The following AGBL1 variants were observed in gnomAD, a reference collection of about 807,000 sequenced individuals.
The protein encoded by AGBL1 is cytosolic carboxypeptidase 4.
AGBL1 carries 130 observed loss-of-function variants against 118.9 expected under a neutral mutation model. The ratio of observed to expected loss-of-function variants is 1.09; its 90% CI spans 0.95 to 1.26. The LOEUF is 1.26. AGBL1 is among the 50% of genes most tolerant of loss of function. The probability of loss-of-function intolerance (pLI) is 0.00; values close to 1 mark genes in which losing one functional copy is unlikely to be tolerated. For synonymous variants in AGBL1, 555 were observed against 478.9 expected (o/e 1.16, Z -2.08); for missense variants, 1,584 against 1,298.1 (o/e 1.22, Z -3.38).
At chr15:86,973,842 C>A (rs1364168298) in intron 23 of AGBL1, among the ~76,000 whole-genome samples, 5 of 148,098 alleles carry the variant, frequency 3.4e-5, no homozygotes, top group African/African-American at 9.9e-5. Flanking sequence ...TGCGTACCCC[C>A]AGTGTTCTTA....
In AGBL1 at chr15:86,142,354, G is replaced by C. The variant is rs184045704; in HGVS notation, c.115+287G>C. 2.6e-5 allele frequency among the ~76,000 whole-genome samples: 4 copies of C among 152,288 alleles called. No homozygotes were observed. The South Asian group carries it at 6.2e-4, about 24-fold the overall frequency. ...TTCTCGCCCTGCTCGCTTCCATTGT[G>C]ACCTATTTAAGAGAGCTGAGTATCA... On this transcript the variant is annotated intron_variant, in intron 2 of 22. Coordinates refer to ENST00000614907, the MANE Select transcript of AGBL1 (RefSeq NM_001386094.1).
At chr15:86,752,091 C>T (rs1596448351) in intron 22 of AGBL1, among the ~76,000 whole-genome samples, 1 of 152,042 alleles carries the variant, frequency 6.6e-6, no homozygotes, top group African/African-American at 2.4e-5. Flanking sequence ...CACACCCCTC[C>T]CAATGGCCCA....
At chr15:86,622,660 G>A (rs557911898) in intron 21 of AGBL1, among the ~76,000 whole-genome samples, 1 of 152,216 alleles carries the variant, frequency 6.6e-6, no homozygotes, top group East Asian at 1.9e-4. Flanking sequence ...GGGACTGGGG[G>A]ACACACGTTC....
At chr15:86,252,735 C>T (rs566704886) in intron 7 of AGBL1, among the ~76,000 whole-genome samples, 2 of 152,242 alleles carry the variant, frequency 1.3e-5, no homozygotes, top group South Asian at 4.2e-4. Flanking sequence ...CAGGAGGTGG[C>T]CACCAGGCAC....
intron 22 of AGBL1, among the ~76,000 whole-genome samples, chr15:86,844,068 C>A (rs1338722278): frequency 6.6e-6 from 1 of 152,072 alleles, no homozygotes; most frequent in East Asian, 1.9e-4. Flanking sequence ...GTAGCTGGTT[C>A]CTATTTCATG....
At chr15:86,645,910 A>C (rs2085270804) in intron 21 of AGBL1, among the ~76,000 whole-genome samples, 2 of 152,198 alleles carry the variant, frequency 1.3e-5, no homozygotes. Flanking sequence ...AAAAACCAAA[A>C]CAAAAGCCTC....
intron 16 of AGBL1, among the ~76,000 whole-genome samples, chr15:86,281,400 C>T (rs1254711694): frequency 1.3e-5 from 2 of 151,932 alleles, no homozygotes; most frequent in Admixed American, 1.3e-4. Context: ...AAACCAAAAG[C>T]AGAAACCAGA....
chr15:86,982,747 T>C (rs2081244206), intron 23 of AGBL1, among the ~76,000 whole-genome samples: 1 of 152,242 alleles, frequency 6.6e-6, no homozygotes, highest in Non-Finnish European at 1.5e-5. Context: ...GCTTACTTTA[T>C]TGTAAGAATA....
intron 22 of AGBL1, among the ~76,000 whole-genome samples, chr15:86,721,425 AAAGG>A (rs2086718733): frequency 6.6e-6 from 1 of 152,206 alleles, no homozygotes; most frequent in African/African-American, 2.4e-5. Flanking sequence ...TAGATGCAGA[AAAGG>A]CCTTTGACAA....
At chr15:86,698,703 C>G (rs914790781) in intron 22 of AGBL1, among the ~76,000 whole-genome samples, 6 of 151,152 alleles carry the variant, frequency 4.0e-5, no homozygotes, top group Admixed American at 3.3e-4. Context: ...CTATCCTACT[C>G]TGCCTATCTA....
intron 22 of AGBL1, among the ~76,000 whole-genome samples, chr15:86,886,183 C>T (rs1269184673): frequency 2.0e-5 from 3 of 152,076 alleles, no homozygotes; most frequent in Non-Finnish European, 1.5e-5. Context: ...AAATAAAACA[C>T]AAAGATAGAA....
In AGBL1 at chr15:86,993,011, A is replaced by G. The variant is rs114204083; in HGVS notation, c.3323+4923A>G. 8.8e-4 allele frequency among the ~76,000 whole-genome samples: 134 copies of G among 152,280 alleles called. 1 individual carries two copies. The highest frequency in any genetic ancestry group is 3.2e-3 in the African/African-American group (133 of 41,566). ...AATTTGAATTAAGCAGAGGTCCTCA[A>G]TCTAACTGGAATAAACACTTCCCAT... On this transcript the variant is annotated intron_variant, in intron 24 of 24. Coordinates refer to the AGBL1 transcript ENST00000441037.
chr15:86,809,133 A>G (rs2141364533), intron 22 of AGBL1, among the ~76,000 whole-genome samples: 1 of 152,302 alleles, frequency 6.6e-6, no homozygotes, highest in Admixed American at 6.5e-5. Flanking sequence ...GACTTGCCTA[A>G]AGTCACCGGC....
In AGBL1 at chr15:86,251,915, A is replaced by G. The variant is rs900587193; in HGVS notation, c.735+4036A>G. Among the ~76,000 whole-genome samples the G allele has an allele frequency of 8.5e-5, 13 of 152,340 alleles. No individual in the cohort carries two copies. The South Asian group carries it at 1.0e-3, about 12-fold the overall frequency. On this transcript the variant is annotated intron_variant, in intron 7 of 22. Coordinates refer to ENST00000614907, the MANE Select transcript of AGBL1 (RefSeq NM_001386094.1). ...GTAACTGCAGAAGGAACAAACCTAT[A>G]TAAGATAATCAGAGAAAAGAACCAC...
intron 21 of AGBL1, among the ~76,000 whole-genome samples, chr15:86,629,724 C>G (rs760781756): frequency 6.6e-6 from 1 of 150,890 alleles, no homozygotes; most frequent in Non-Finnish European, 1.5e-5. Context: ...AGCATTGAAA[C>G]AAATGCCAAA....
intron 22 of AGBL1, among the ~76,000 whole-genome samples, chr15:86,824,085 A>G (rs568331563): frequency 2.6e-5 from 4 of 152,226 alleles, no homozygotes; most frequent in Non-Finnish European, 5.9e-5. Flanking sequence ...AAGAACAAGA[A>G]AAAAACAAAT....
intron 17 of AGBL1, among the ~76,000 whole-genome samples, chr15:86,350,201 A>C (rs769436983): frequency 3.9e-5 from 6 of 152,144 alleles, no homozygotes; most frequent in African/African-American, 1.4e-4. Context: ...TTTCTCTTTA[A>C]TTTTTAGGAC....
intron 22 of AGBL1, among the ~76,000 whole-genome samples, chr15:86,818,363 G>A (rs1005392934): frequency 9.2e-5 from 14 of 152,118 alleles, no homozygotes; most frequent in Non-Finnish European, 1.9e-4. Context: ...TCAGATAAGC[G>A]GCAGCATTAG....
In AGBL1 at chr15:86,910,551, T is replaced by G. The variant is rs1206802069; in HGVS notation, c.*3257T>G. ...GGTTTGGTGCTCCTGCTATGCTGGTTGTTCAGTAGTTTGAGGAGTGCCCCA... is the reference window on the plus strand; with the variant it reads ...GGTTTGGTGCTCCTGCTATGCTGGTGGTTCAGTAGTTTGAGGAGTGCCCCA... On this transcript the variant is annotated 3_prime_UTR_variant, in exon 23 of 23. Coordinates refer to ENST00000614907, the MANE Select transcript of AGBL1 (RefSeq NM_001386094.1). 1 of 152,228 alleles carries G rather than the reference T, an allele frequency of 6.6e-6. No homozygotes were observed. The highest frequency in any genetic ancestry group is 1.5e-5 in the Non-Finnish European group (1 of 68,056). The allele number at this position is 152,228 out of a possible 1,614,324, so 9.4% of individuals were successfully genotyped here.
Sources: allele counts gnomAD v4.1 joint callset (sites outside exome capture counted in the v4.1 genomes callset), GRCh38; gene constraint gnomAD v4.1.1; transcripts MANE v1.5; gene names NCBI Gene and HGNC (gene_info 2026-07-23, HGNC 2026-07-21).